Variants in DUSP16 observed in about 807,000 individuals in gnomAD.
DUSP16 encodes dual specificity protein phosphatase 16.
Under a neutral mutation model 58.3 loss-of-function variants are expected in DUSP16, and 21 were observed. That is an observed-to-expected ratio of 0.36 (90% confidence interval 0.26 to 0.52). The LOEUF (loss-of-function observed/expected upper bound fraction) is 0.52, where lower values mean the gene tolerates loss of function less well. Among genes scored for constraint, DUSP16 ranks in the 20% least tolerant of loss-of-function variants. The pLI is 0.94. For missense variants in DUSP16, 726 were observed against 819.0 expected (o/e 0.89, Z 1.39); for synonymous variants, 320 against 323.8 (o/e 0.99, Z 0.12).
intron 1 of DUSP16, among the ~76,000 whole-genome samples, chr12:12,546,999 G>A (rs1218012939): frequency 6.6e-6 from 1 of 152,082 alleles, no homozygotes; most frequent in Non-Finnish European, 1.5e-5. Context: ...TGATATCATT[G>A]TCCATATGAG....
At chr12:12,526,948 C>T (rs112730033) in intron 1 of DUSP16, among the ~76,000 whole-genome samples, 116 of 152,250 alleles carry the variant, frequency 7.6e-4, no homozygotes, top group Middle Eastern at 3.4e-3. Flanking sequence ...CAGGAGGAAG[C>T]GGGGGGTCCC....
intron 1 of DUSP16, among the ~76,000 whole-genome samples, chr12:12,531,074 A>C (rs911925364): frequency 6.6e-5 from 10 of 152,222 alleles, no homozygotes; most frequent in African/African-American, 2.2e-4. Context: ...CAAAATTCCA[A>C]TACATGAAAG....
At position 12,562,569 on chromosome 12, in the gene DUSP16, T is replaced by A. The variant is rs1030592214; in HGVS notation, c.-818A>T. Among the ~76,000 whole-genome samples, 17 of 10,464 alleles carry A rather than the reference T, an allele frequency of 1.6e-3. No individual in the cohort carries two copies. Among genetic ancestry groups the A allele is most frequent in the South Asian group, 8.1e-3 (2 of 246 alleles). The allele number at this position is 10,464 out of a possible 152,430, so 6.9% of individuals were successfully genotyped here. A position where few individuals can be genotyped will look rare whatever the true frequency, so the allele number is the denominator to read the frequency against. ...AGAAAGAGGGGGAAAGGCGGGGGGG[T>A]GGGGTGGGGGGTTGGGGGAAAGAGA... is the stretch of plus-strand genomic sequence containing the variant. On this transcript the variant is annotated 5_prime_UTR_variant, in exon 1 of 7. Transcript: ENST00000298573.
intron 1 of DUSP16, among the ~76,000 whole-genome samples, chr12:12,524,163 G>A (rs907587316): frequency 6.6e-6 from 1 of 152,228 alleles, no homozygotes; most frequent in Non-Finnish European, 1.5e-5. Flanking sequence ...CTACAGAGCA[G>A]AGAATGTCAT....
rs534236604 is a variant in DUSP16 at position 12,475,314 on chromosome 12, A to ATGTT, written c.*1515_*1518dup. The ATGTT allele has an allele frequency of 7.4e-5, 11 of 149,356 alleles. No homozygotes were observed. The East Asian group carries it at 2.2e-3, about 30-fold the overall frequency. 9.3% of individuals were successfully genotyped at this position (149,356 alleles called of 1,614,324 possible). A position where few individuals can be genotyped will look rare whatever the true frequency, so the allele number is the denominator to read the frequency against. Reference sequence around the variant, plus strand: ...AGCTGATAAAACTCAAGCCAGGAGGATGTTTGAAAGCCAATCTGCACTATC... The same window carrying ATGTT: ...AGCTGATAAAACTCAAGCCAGGAGGATGTTTGTTTGAAAGCCAATCTGCACTATC... On this transcript the variant is annotated 3_prime_UTR_variant, in exon 7 of 7. Coordinates refer to ENST00000298573, the MANE Select transcript of DUSP16 (RefSeq NM_030640.3).
intron 1 of DUSP16, among the ~76,000 whole-genome samples, chr12:12,542,020 G>A (rs907364686): frequency 2.6e-5 from 4 of 152,088 alleles, no homozygotes; most frequent in African/African-American, 7.2e-5. Context: ...CCCCAAAAAC[G>A]TTATGCTAAG....
intron 3 of DUSP16, among the ~76,000 whole-genome samples, chr12:12,504,253 A>G (rs1229081607): frequency 6.6e-6 from 1 of 152,140 alleles, no homozygotes; most frequent in Non-Finnish European, 1.5e-5. Flanking sequence ...GTCTATTAAC[A>G]TGTAGTTTTG....
intron 1 of DUSP16, 81 bp downstream of exon 1, chr12:12,562,036 C>A (rs1297755664): frequency 6.7e-6 from 1 of 150,036 alleles, no homozygotes; most frequent in Non-Finnish European, 1.5e-5. Flanking sequence ...TGCGGAGCGT[C>A]CATGCGGCCG....
intron 1 of DUSP16, among the ~76,000 whole-genome samples, chr12:12,531,385 C>A (rs994579391): frequency 2.0e-5 from 3 of 152,142 alleles, no homozygotes; most frequent in African/African-American, 7.2e-5. Flanking sequence ...AAGATAATTT[C>A]AAAATGGCTC....
At chr12:12,489,614 A>G (rs557481748) in intron 4 of DUSP16, among the ~76,000 whole-genome samples, 6 of 152,364 alleles carry the variant, frequency 3.9e-5, no homozygotes, top group African/African-American at 1.4e-4. Context: ...AAATTACAGA[A>G]GTTTCTGAGA....
rs1242389440 is a variant in DUSP16, at chr12:12,477,342, T to G, written c.1489A>C (p.Arg497=). 2 of 1,614,116 alleles carry G rather than the reference T, an allele frequency of 1.2e-6. No homozygotes were observed. The highest frequency in any genetic ancestry group is 1.7e-6 in the Non-Finnish European group (2 of 1,180,034). Residue 497 remains arginine (R), a synonymous_variant, in exon 7 of 7, where the codon AGG becomes CGG. Transcript: ENST00000298573. This position sits in a 1 kb window ranked among gnomAD's most constrained non-coding sequence, Gnocchi z 4.1. The part of the protein sequence containing the change: ...VRTSSSGTAQ[R]SLLSPLHRSG... ...CGATGCAGTGGAGATAAAAGGGACCTCTGGGCGGTGCCACTGCTGCTGGTT... is the reference window on the plus strand; with the variant it reads ...CGATGCAGTGGAGATAAAAGGGACCGCTGGGCGGTGCCACTGCTGCTGGTT...
chr12:12,540,825 C>T (rs2136251197), intron 1 of DUSP16, among the ~76,000 whole-genome samples: 1 of 152,230 alleles, frequency 6.6e-6, no homozygotes, highest in East Asian at 1.9e-4. Flanking sequence ...TCTACTAATT[C>T]TGGAGGCAAC....
rs534137862 is a variant in DUSP16 at position 12,510,869 on chromosome 12, G to C, written c.367+8993C>G. ...GGGCAGAGGACAGAGCCTCTGTGAA[G>C]GCCCAGGGTGCATGATGTCTTAGGT... On this transcript the variant is annotated intron_variant, in intron 3 of 6. Transcript: ENST00000298573. Among the ~76,000 whole-genome samples the C allele has an allele frequency of 4.6e-5, 7 of 152,258 alleles. No homozygotes were observed. The South Asian group carries it at 1.5e-3, about 32-fold the overall frequency.
intron 1 of DUSP16, among the ~76,000 whole-genome samples, chr12:12,530,742 T>C (rs1052937980): frequency 1.3e-5 from 2 of 152,182 alleles, no homozygotes; most frequent in African/African-American, 4.8e-5. Flanking sequence ...TATACATTTT[T>C]TCCAACCCCA....
intron 1 of DUSP16, among the ~76,000 whole-genome samples, chr12:12,550,880 T>TC (rs1456105847): frequency 6.6e-6 from 1 of 151,584 alleles, no homozygotes; most frequent in Admixed American, 6.6e-5. Flanking sequence ...CCCCAAAACT[T>TC]AAAGTATAAT....
At chr12:12,480,558 C>CTGTT (rs1205233295) in intron 5 of DUSP16, among the ~76,000 whole-genome samples, 5 of 152,260 alleles carry the variant, frequency 3.3e-5, no homozygotes, top group African/African-American at 1.2e-4. Flanking sequence ...GGGTCCAAAA[C>CTGTT]TGTTTGTTAA....
intron 1 of DUSP16, among the ~76,000 whole-genome samples, chr12:12,524,595 G>T (rs1200138746): frequency 1.3e-5 from 2 of 152,196 alleles, no homozygotes; most frequent in African/African-American, 2.4e-5. Flanking sequence ...GATGACAAGA[G>T]AATATTTTGC....
At chr12:12,552,609 T>C (rs1337369997) in intron 1 of DUSP16, among the ~76,000 whole-genome samples, 1 of 152,044 alleles carries the variant, frequency 6.6e-6, no homozygotes, top group Non-Finnish European at 1.5e-5. Context: ...AAACAACATA[T>C]CACAACAGAT....
intron 1 of DUSP16, among the ~76,000 whole-genome samples, chr12:12,526,077 T>A (rs1944302626): frequency 6.6e-6 from 1 of 152,156 alleles, no homozygotes; most frequent in African/African-American, 2.4e-5. Context: ...GTATCCCAAG[T>A]TCAAAATAAA....
Sources: allele counts gnomAD v4.1 joint callset (sites outside exome capture counted in the v4.1 genomes callset), GRCh38; gene constraint gnomAD v4.1.1; non-coding constraint Gnocchi (gnomAD v3.1); transcripts MANE v1.5; gene names NCBI Gene and HGNC (gene_info 2026-07-23, HGNC 2026-07-21).